Variants in DRD4 observed in about 807,000 individuals in gnomAD.
DRD4 encodes the protein D(4) dopamine receptor.
In DRD4, 26 loss-of-function variants were observed where a neutral mutation model predicts 22.1. That is an observed-to-expected ratio of 1.17 (90% confidence interval 0.86 to 1.63). The LOEUF (loss-of-function observed/expected upper bound fraction) is 1.63. Among genes scored for constraint, DRD4 ranks in the 40% most tolerant of loss-of-function variants. DRD4 has a pLI of 0.00. For synonymous variants in DRD4, 455 were observed against 306.7 expected (o/e 1.48, Z -5.05); for missense variants, 913 against 632.4 (o/e 1.44, Z -4.76).
At chr11:638,404 C>G (rs920859526) in intron 1 of DRD4, among the ~76,000 whole-genome samples, 1 of 152,170 alleles carries the variant, frequency 6.6e-6, no homozygotes, top group South Asian at 2.1e-4. Flanking sequence ...CCTTTCGAGC[C>G]GCAGACGTCA....
At chr11:638,010 C>T (rs969369973) in intron 1 of DRD4, among the ~76,000 whole-genome samples, 4 of 152,058 alleles carry the variant, frequency 2.6e-5, no homozygotes. Context: ...CACACTGCCA[C>T]AGCCACTGCC....
chr11:639,083 CAAAAAACAAAAA>C (rs1435413126), intron 1 of DRD4: 6 of 295,300 alleles, frequency 2.0e-5, no homozygotes, highest in East Asian at 1.8e-4. Flanking sequence ...AACTCCGTCT[CAAAAAACAAAAA>C]GAAAAACAAA....
rs1858078081 is a variant in DRD4, at chr11:637,296, G to A, written c.-9G>A. On this transcript the variant is annotated 5_prime_UTR_variant, in exon 1 of 4. Coordinates refer to ENST00000176183, the MANE Select transcript of DRD4 (RefSeq NM_000797.4). ...TGTCCGCGGTGCTCAGCGCCCGCCCGGGCGCGCCATGGGGAACCGCAGCAC... is the reference window on the plus strand; with the variant it reads ...TGTCCGCGGTGCTCAGCGCCCGCCCAGGCGCGCCATGGGGAACCGCAGCAC... 3.4e-6 allele frequency: 4 copies of A among 1,193,740 alleles called. No individual in the cohort carries two copies. The highest frequency in any genetic ancestry group is 7.7e-5 in the East Asian group (2 of 25,832). 73.9% of individuals were successfully genotyped at this position (1,193,740 alleles called of 1,614,324 possible).
chr11:640,580 A>G lies in DRD4; in HGVS notation c.1237A>G (p.Lys413Glu). The G allele has an allele frequency of 6.3e-7, 1 of 1,599,532 alleles. No individual in the cohort carries two copies. Among genetic ancestry groups the G allele is most frequent in the South Asian group, 1.1e-5 (1 of 91,080 alleles). ...CGCCGAGTTCCGCAACGTCTTCCGCAAGGCCCTGCGTGCCTGCTGCTGAGC... is the reference window on the plus strand; with the variant it reads ...CGCCGAGTTCCGCAACGTCTTCCGCGAGGCCCTGCGTGCCTGCTGCTGAGC... ...FNAEFRNVFRKALRACC is the reference protein window; with the variant it reads ...FNAEFRNVFREALRACC Residue 413 changes from lysine to glutamate, a missense_variant, in exon 4 of 4, where the codon AAG becomes GAG. Physicochemically the swap from Lys to Glu is moderately conservative, Grantham distance 56. Coordinates refer to ENST00000176183, the MANE Select transcript of DRD4 (RefSeq NM_000797.4).
rs1347128271 is a variant in DRD4 at position 639,888 on chromosome 11, G to T, written c.639G>T (p.Trp213Cys). The T allele has an allele frequency of 2.5e-6, 4 of 1,580,308 alleles. No individual in the cohort carries two copies. Among genetic ancestry groups the T allele is most frequent in the Non-Finnish European group, 3.4e-6 (4 of 1,171,220 alleles). ...GCCCGCTCATGCTGCTGCTCTACTGGGCCACGTTCCGCGGCCTGCAGCGCT... is the reference window on the plus strand; with the variant it reads ...GCCCGCTCATGCTGCTGCTCTACTGTGCCACGTTCCGCGGCCTGCAGCGCT... The part of the protein sequence containing the change: ...LPCPLMLLLY[W>C]ATFRGLQRWE... Residue 213 changes from tryptophan (W) to cysteine (C), a missense_variant, in exon 3 of 4, where the codon TGG becomes TGT. Coordinates refer to ENST00000176183, the MANE Select transcript of DRD4 (RefSeq NM_000797.4).
intron 1 of DRD4, among the ~76,000 whole-genome samples, chr11:637,991 AC>A: frequency 9.5e-6 from 1 of 105,026 alleles, no homozygotes; most frequent in Non-Finnish European, 2.5e-5. Flanking sequence ...CGTGGGACAC[AC>A]ACACACACAC....
chr11:638,076 C>T (rs1051840409), intron 1 of DRD4, among the ~76,000 whole-genome samples: 5 of 152,280 alleles, frequency 3.3e-5, no homozygotes, highest in Middle Eastern at 6.8e-3. Context: ...GCTCACAGCT[C>T]GCAGGGGAGA....
intron 3 of DRD4, 37 bp downstream of exon 3, chr11:640,343 G>GC (rs989509727): frequency 2.6e-6 from 4 of 1,551,114 alleles, no homozygotes; most frequent in Non-Finnish European, 3.5e-6. Context: ...AGGAGAGGAG[G>GC]GGGGGGGTAC....
At position 640,307 on chromosome 11, in the gene DRD4, G is replaced by A. The variant is rs756322987; in HGVS notation, c.1057+1G>A. On this transcript the variant is annotated splice_donor_variant, in intron 3 of 3. Coordinates refer to ENST00000176183, the MANE Select transcript of DRD4 (RefSeq NM_000797.4). LOFTEE classifies it high-confidence loss of function. ...ATGAGGGTCCTGCCGGTGGTGGTCG[G>A]TGGGTTCCTGTCCTGAGGGGCGGGG... 7.8e-6 allele frequency: 12 copies of A among 1,538,558 alleles called. No individual in the cohort carries two copies. The South Asian group carries it at 1.1e-4, about 14-fold the overall frequency.
chr11:638,943 G>A lies in DRD4; in HGVS notation c.286-490G>A, dbSNP rs536186205. On this transcript the variant is annotated intron_variant, in intron 1 of 3. Transcript: ENST00000176183. ...AAAAAATTTTAAAATATCAGCCGGG[G>A]GTGGTGGCTGCGGCTGTTGTCCCAG... The A allele has an allele frequency of 3.0e-5, 5 of 163,950 alleles. No individual in the cohort carries two copies. The South Asian group carries it at 5.4e-4, about 18-fold the overall frequency. The allele number at this position is 163,950 out of a possible 1,614,324, so 10.2% of individuals were successfully genotyped here. A position where few individuals can be genotyped will look rare whatever the true frequency, so the allele number is the denominator to read the frequency against.
chr11:639,169 C>A (rs1002000516), intron 1 of DRD4: 3 of 505,268 alleles, frequency 5.9e-6, no homozygotes, highest in Non-Finnish European at 7.2e-6. Context: ...GTGGGAGGAT[C>A]GCTTGAGCTC....
At chr11:638,004 C>G (rs1023667103) in intron 1 of DRD4, among the ~76,000 whole-genome samples, 1 of 144,050 alleles carries the variant, frequency 6.9e-6, no homozygotes, top group African/African-American at 2.6e-5. Context: ...CACACACACA[C>G]TGCCACAGCC....
Position 637,349 on chromosome 11 carries a change from G to GCGCGGGCCGGC in DRD4, c.52_62dup (p.Ala22ArgfsTer40). 2 of 1,290,956 alleles carry GCGCGGGCCGGC rather than the reference G, an allele frequency of 1.5e-6. No individual in the cohort carries two copies. Among genetic ancestry groups the GCGCGGGCCGGC allele is most frequent in the Non-Finnish European group, 1.9e-6 (2 of 1,026,600 alleles). 80.0% of individuals were successfully genotyped at this position (1,290,956 alleles called of 1,614,324 possible). Reference sequence around the variant, plus strand: ...CGGACGCGGACGGGCTGCTGGCTGGGCGCGGGCCGGCCGCGGGGGCATCTG... The same window carrying GCGCGGGCCGGC: ...CGGACGCGGACGGGCTGCTGGCTGGGCGCGGGCCGGCCGCGGGCCGGCCGCGGGGGCATCTG... On this transcript the variant is annotated frameshift_variant, in exon 1 of 4. Coordinates refer to ENST00000176183, the MANE Select transcript of DRD4 (RefSeq NM_000797.4). LOFTEE classifies it high-confidence loss of function.
At chr11:638,700 G>A (rs1221579502) in intron 1 of DRD4, among the ~76,000 whole-genome samples, 1 of 152,088 alleles carries the variant, frequency 6.6e-6, no homozygotes, top group Non-Finnish European at 1.5e-5. Flanking sequence ...AGGCCCAGCG[G>A]GGACCCTGCC....
chr11:639,372 G>GT lies in DRD4; in HGVS notation c.286-61_286-60insT, dbSNP rs1858145355. Reference sequence around the variant, plus strand: ...CCCTGGAACTACCCATAAGAGTGGGGGCGGGTCACAAGGGCCCGCGGTGGC... The same window carrying GT: ...CCCTGGAACTACCCATAAGAGTGGGGTGCGGGTCACAAGGGCCCGCGGTGGC... On this transcript the variant is annotated intron_variant, in intron 1 of 3. Transcript: ENST00000176183. The GT allele has an allele frequency of 9.7e-6, 14 of 1,443,356 alleles. No homozygotes were observed. In the East Asian group the frequency reaches 2.0e-4, roughly 20 times the overall value. The allele number at this position is 1,443,356 out of a possible 1,614,324, so 89.4% of individuals were successfully genotyped here.
rs148883863 is a variant in DRD4 at position 637,581 on chromosome 11, T to C, written c.277T>C (p.Tyr93His). 9.0e-6 allele frequency: 14 copies of C among 1,549,180 alleles called. No individual in the cohort carries two copies. The highest frequency in any genetic ancestry group is 1.2e-5 in the Non-Finnish European group (14 of 1,151,030). Residue 93 changes from tyrosine (Y) to histidine (H), a missense_variant, in exon 1 of 4, where the codon TAC becomes CAC. Transcript: ENST00000176183. ...LALLVLPLFV[Y>H]SEVQGGAWLL... is the part of the protein sequence containing the mutation. ...TCTCCTGGTGCTGCCGCTCTTCGTC[T>C]ACTCCGAGGTGAGCCGCGTCCGGCC...
At position 637,478 on chromosome 11, in the gene DRD4, C is replaced by G. The variant is rs1188388705; in HGVS notation, c.174C>G (p.Ser58Arg). 1.9e-6 allele frequency: 3 copies of G among 1,540,950 alleles called. No homozygotes were observed. The highest frequency in any genetic ancestry group is 2.6e-6 in the Non-Finnish European group (3 of 1,149,116). The change falls in exon 1 of 4, where the codon AGC becomes AGG. Residue 58 changes from serine to arginine, a missense_variant. Ser to Arg is a moderately radical substitution (Grantham distance 110). Coordinates refer to ENST00000176183, the MANE Select transcript of DRD4 (RefSeq NM_000797.4). The part of the protein sequence containing the change: ...VLAGNSLVCV[S>R]VATERALQTP... ...CGGGGAACTCGCTCGTGTGCGTGAG[C>G]GTGGCCACCGAGCGCGCCCTGCAGA...
chr11:639,375 G>GC lies in DRD4; in HGVS notation c.286-58_286-57insC, dbSNP rs1858145778. 4.3e-6 allele frequency: 6 copies of GC among 1,407,404 alleles called. No homozygotes were observed. In the South Asian group the frequency reaches 6.1e-5, roughly 14 times the overall value. 87.2% of individuals were successfully genotyped at this position (1,407,404 alleles called of 1,614,324 possible). On this transcript the variant is annotated intron_variant, in intron 1 of 3. Coordinates refer to ENST00000176183, the MANE Select transcript of DRD4 (RefSeq NM_000797.4). ...TGGAACTACCCATAAGAGTGGGGGC[G>GC]GGTCACAAGGGCCCGCGGTGGCTGG...
chr11:638,064 A>G (rs921645461), intron 1 of DRD4, among the ~76,000 whole-genome samples: 1 of 152,176 alleles, frequency 6.6e-6, no homozygotes, highest in Non-Finnish European at 1.5e-5. Context: ...CCCCAGAAGG[A>G]GGCTCACAGC....
Sources: gnomAD v4.1 joint callset for allele counts (sites outside exome capture counted in the v4.1 genomes callset) on GRCh38, gnomAD v4.1.1 for gene constraint, MANE v1.5 for transcripts, NCBI Gene and HGNC (gene_info 2026-07-23, HGNC 2026-07-21) for gene names.